The following NR3C2 variants were observed in gnomAD, a reference collection of about 807,000 sequenced individuals.
The protein encoded by NR3C2 is mineralocorticoid receptor.
In NR3C2, 15 loss-of-function variants were observed where a neutral mutation model predicts 86.4. That is an observed-to-expected ratio of 0.17 (90% CI 0.12 to 0.27). The LOEUF is 0.27. NR3C2 is among the 10% of genes least tolerant of loss of function. The probability of loss-of-function intolerance (pLI) is 1.00; values close to 1 mark genes in which losing one functional copy is unlikely to be tolerated. For synonymous variants in NR3C2, 458 were observed against 450.5 expected (o/e 1.02, Z -0.21); for missense variants, 960 against 1,195.6 (o/e 0.80, Z 2.91).
intron 2 of NR3C2, among the ~76,000 whole-genome samples, chr4:148,401,461 CTTTTTT>C (rs397881130): frequency 1.7e-5 from 2 of 116,914 alleles, no homozygotes; most frequent in Admixed American, 9.8e-5. Flanking sequence ...AAAGTTGTCT[CTTTTTT>C]TTTTTTTTTT....
chr4:148,317,967 T>C (rs1159742195), intron 2 of NR3C2, among the ~76,000 whole-genome samples: 2 of 151,266 alleles, frequency 1.3e-5, no homozygotes, highest in African/African-American at 4.8e-5. Flanking sequence ...GCTGGTGCGC[T>C]GCACCCACTA....
intron 8 of NR3C2, among the ~76,000 whole-genome samples, chr4:148,112,869 C>T (rs1205921756): frequency 6.6e-6 from 1 of 152,056 alleles, no homozygotes; most frequent in Non-Finnish European, 1.5e-5. Context: ...TAATACTGGT[C>T]ATCAATGATG....
At chr4:148,308,370 T>C (rs1389461324) in intron 2 of NR3C2, among the ~76,000 whole-genome samples, 1 of 152,150 alleles carries the variant, frequency 6.6e-6, no homozygotes, top group Admixed American at 6.5e-5. Context: ...TTGTTGCATA[T>C]ATGAATCCCA....
At chr4:148,390,667 A>C (rs535377560) in intron 2 of NR3C2, among the ~76,000 whole-genome samples, 25 of 152,336 alleles carry the variant, frequency 1.6e-4, no homozygotes. Context: ...ACTATGAACC[A>C]AACTGGCATA....
chr4:148,273,873 C>T (rs1372066472), intron 2 of NR3C2, among the ~76,000 whole-genome samples: 2 of 152,124 alleles, frequency 1.3e-5, no homozygotes, highest in African/African-American at 4.8e-5. Context: ...GCAGTGTGCA[C>T]AGGGGGGTCA....
chr4:148,381,099 A>G (rs923695334), intron 2 of NR3C2, among the ~76,000 whole-genome samples: 1 of 152,094 alleles, frequency 6.6e-6, no homozygotes, highest in African/African-American at 2.4e-5. Context: ...ATGGTTGCAC[A>G]CGCCTGTAGT....
In NR3C2 at chr4:148,357,519, A is replaced by C. The variant is rs372654650; in HGVS notation, c.1757+77585T>G. On this transcript the variant is annotated intron_variant, in intron 2 of 8. Transcript: ENST00000358102. ...ATAACATGGAAGTCTCCCCCAAGTC[A>C]TAACTTCAGTTATGCAAATATAATG... 6.6e-5 allele frequency among the ~76,000 whole-genome samples: 10 copies of C among 152,312 alleles called. No homozygotes were observed. The East Asian group carries it at 1.5e-3, about 24-fold the overall frequency.
intron 4 of NR3C2, among the ~76,000 whole-genome samples, chr4:148,188,467 A>G (rs1021707885): frequency 2.0e-5 from 3 of 152,110 alleles, no homozygotes; most frequent in Non-Finnish European, 4.4e-5. Flanking sequence ...ATATTCCTAC[A>G]CATTTGATTT....
At chr4:148,179,009 CTGAG>C (rs1202716063) in intron 4 of NR3C2, among the ~76,000 whole-genome samples, 1 of 150,452 alleles carries the variant, frequency 6.6e-6, no homozygotes, top group Non-Finnish European at 1.5e-5. Flanking sequence ...CTCTTATATC[CTGAG>C]TGATATTCCA....
rs1404118403 is a variant in NR3C2, at chr4:148,116,378, C to A, written c.2642-2117G>T. 7.9e-5 allele frequency among the ~76,000 whole-genome samples: 12 copies of A among 152,248 alleles called. No individual in the cohort carries two copies. In the East Asian group the frequency reaches 2.3e-3, roughly 29 times the overall value. On this transcript the variant is annotated intron_variant, in intron 7 of 8. Coordinates refer to ENST00000358102, the MANE Select transcript of NR3C2 (RefSeq NM_000901.5). ...AACCCACAAATAAAGAGAACTTAAG[C>A]AAAACCTCAAATTTTGGAGTTCTGC...
chr4:148,317,284 G>A (rs138169882), intron 2 of NR3C2, among the ~76,000 whole-genome samples: 10,348 of 151,640 alleles, frequency 0.068, 539 homozygotes, highest in African/African-American at 0.15. Context: ...TAACCCGGGA[G>A]GTGGAGGTTG....
intron 2 of NR3C2, among the ~76,000 whole-genome samples, chr4:148,410,981 G>A (rs995799174): frequency 3.3e-5 from 5 of 152,180 alleles, no homozygotes; most frequent in African/African-American, 1.2e-4. Flanking sequence ...ATAATCTTCA[G>A]TACTCCGACC....
intron 4 of NR3C2, among the ~76,000 whole-genome samples, chr4:148,157,785 G>A (rs938767207): frequency 3.9e-5 from 6 of 152,140 alleles, no homozygotes; most frequent in African/African-American, 7.2e-5. Flanking sequence ...CAAATTTAAC[G>A]TAGAGTAGGA....
chr4:148,257,949 G>A (rs1739909484), intron 3 of NR3C2, among the ~76,000 whole-genome samples: 1 of 152,176 alleles, frequency 6.6e-6, no homozygotes, highest in Non-Finnish European at 1.5e-5. Context: ...GGAAAAAGTT[G>A]CACCTGCATT....
Position 148,435,137 on chromosome 4 carries a change from G to A in NR3C2, c.1724C>T (p.Pro575Leu), listed in dbSNP as rs1403371155. ...ATTTTCTGGAATGTATTCTAAGACC[G>A]GATACCCATCACTTCTTCTAGACGA... ...DLSSRRSDGY[P>L]VLEYIPENVS... Residue 575 changes from proline to leucine, a missense_variant, in exon 2 of 9, where the codon CCG (proline) becomes CTG (leucine). Pro to Leu is a moderately conservative substitution (Grantham distance 98). Around this residue, in one of 4 missense-constraint regions of NR3C2, gnomAD observed 680 missense variants for 719.0 expected, o/e 0.95. Transcript: ENST00000358102. 7 of 1,614,114 alleles carry A rather than the reference G, an allele frequency of 4.3e-6. No individual in the cohort carries two copies. Among genetic ancestry groups the A allele is most frequent in the Non-Finnish European group, 5.1e-6 (6 of 1,180,014 alleles).
intron 2 of NR3C2, among the ~76,000 whole-genome samples, chr4:148,401,665 C>T (rs776067304): frequency 2.0e-5 from 3 of 151,848 alleles, no homozygotes; most frequent in African/African-American, 4.8e-5. Context: ...GATTTCACCT[C>T]GTTAGCCAGG....
At chr4:148,426,108 C>T (rs561984779) in intron 2 of NR3C2, among the ~76,000 whole-genome samples, 12 of 152,298 alleles carry the variant, frequency 7.9e-5, no homozygotes, top group South Asian at 2.1e-4. Flanking sequence ...CATTTCTTTG[C>T]GCTACCATCT....
chr4:148,269,257 G>A (rs1408754719), intron 2 of NR3C2, among the ~76,000 whole-genome samples: 1 of 152,170 alleles, frequency 6.6e-6, no homozygotes, highest in African/African-American at 2.4e-5. Flanking sequence ...GGAGGAAAAA[G>A]CATCCATGGT....
At chr4:148,257,946 G>C (rs1293840630) in intron 3 of NR3C2, among the ~76,000 whole-genome samples, 1 of 152,152 alleles carries the variant, frequency 6.6e-6, no homozygotes, top group Non-Finnish European at 1.5e-5. Context: ...GAAGGAAAAA[G>C]TTGCACCTGC....
Sources: allele counts gnomAD v4.1 joint callset (sites outside exome capture counted in the v4.1 genomes callset), GRCh38; gene constraint gnomAD v4.1.1; regional missense constraint gnomAD v4.1.1; transcripts MANE v1.5; gene names NCBI Gene and HGNC (gene_info 2026-07-23, HGNC 2026-07-21).